TMEM79: variants seen among roughly 807,000 people sequenced by gnomAD.
TMEM79 encodes mattrin.
A neutral mutation model predicts 31.2 loss-of-function variants in TMEM79; 30 were observed. The observed-to-expected ratio is 0.96, with a 90% CI of 0.72 to 1.30. TMEM79 has a LOEUF of 1.30. TMEM79 is among the 50% of genes most tolerant of loss of function. The pLI is 0.00. For synonymous variants in TMEM79, 213 were observed against 229.5 expected (o/e 0.93, Z 0.65); for missense variants, 509 against 528.2 (o/e 0.96, Z 0.36).
At chr1:156,287,280 G>T (rs1572608417) in intron 3 of TMEM79, among the ~76,000 whole-genome samples, 1 of 152,272 alleles carries the variant, frequency 6.6e-6, no homozygotes, top group South Asian at 2.1e-4. Flanking sequence ...GCCGGGTGTG[G>T]TGGTGGGCAT....
At chr1:156,289,529 G>A (rs529154292) in intron 3 of TMEM79, among the ~76,000 whole-genome samples, 1 of 152,134 alleles carries the variant, frequency 6.6e-6, no homozygotes, top group South Asian at 2.1e-4. Flanking sequence ...GGAGAATGGC[G>A]TGAACCTGGG....
At chr1:156,284,314 G>C (rs1663083829), upstream of TMEM79, 1 of 152,326 alleles carries the variant, frequency 6.6e-6, no homozygotes, top group Admixed American at 6.5e-5. Flanking sequence ...GGGAGACAGA[G>C]AGAAATACTT....
rs1424757713 is a variant in TMEM79, at chr1:156,285,740, C to T, written c.514C>T (p.Arg172Cys). ...GGTCACCCACCCCGACCCCACTGAG[C>T]GCAAGTGGGCTGAGGCAGTGGTGAG... is the stretch of plus-strand genomic sequence containing the variant. ...PRVTHPDPTE[R>C]KWAEAVVRPP... The change falls in exon 2 of 4, where the codon CGC becomes TGC. Residue 172 changes from arginine (R) to cysteine (C), a missense_variant. Physicochemically the swap from Arg to Cys is radical, Grantham distance 180. Transcript: ENST00000405535. 8.7e-6 allele frequency: 14 copies of T among 1,612,988 alleles called. No individual in the cohort carries two copies. The highest frequency in any genetic ancestry group is 3.3e-5 in the Admixed American group (2 of 59,988).
intron 3 of TMEM79, chr1:156,290,038 T>C (rs1663272014): frequency 6.6e-6 from 1 of 152,212 alleles, no homozygotes; most frequent in African/African-American, 2.4e-5. Context: ...ACCCTTGGAA[T>C]CTTAGTTTCT....
intron 2 of TMEM79, 50 bp from the exon 3 acceptor site, chr1:156,286,210 G>A (rs769768162): frequency 4.4e-6 from 7 of 1,579,216 alleles, no homozygotes; most frequent in Admixed American, 1.7e-5. Context: ...TGCCTCTTGT[G>A]CCCTTCCCCT....
intron 3 of TMEM79, among the ~76,000 whole-genome samples, chr1:156,287,213 G>A (rs571888555): frequency 3.9e-5 from 6 of 152,170 alleles, no homozygotes; most frequent in Non-Finnish European, 5.9e-5. Context: ...TCAGGAGCTC[G>A]AGACCAGCTT....
At chr1:156,290,824 G>C (rs576648579) in intron 3 of TMEM79, 22 of 128,472 alleles carry the variant, frequency 1.7e-4, no homozygotes, top group African/African-American at 6.4e-4. Flanking sequence ...GAGAGACTCT[G>C]TCTCAAAAAT....
At position 156,285,850 on chromosome 1, in the gene TMEM79, C is replaced by A; in HGVS notation, c.624C>A (p.Leu208=). The change falls in exon 2 of 4, where the codon CTC becomes CTA. Residue 208 remains leucine, a synonymous_variant. Coordinates refer to ENST00000405535, the MANE Select transcript of TMEM79 (RefSeq NM_032323.3). ...LRAVASVGAA[L]ILFPCLLYGA... ...CTGTGGCCTCCGTGGGAGCCGCACT[C>A]ATTCTCTTCCCTTGCCTACTATACG... The A allele has an allele frequency of 6.2e-7, 1 of 1,613,718 alleles. No individual in the cohort carries two copies. Among genetic ancestry groups the A allele is most frequent in the Non-Finnish European group, 8.5e-7 (1 of 1,180,024 alleles).
chr1:156,285,313 T>A lies in TMEM79; in HGVS notation c.87T>A (p.Asn29Lys), dbSNP rs761313616. 17 of 1,575,360 alleles carry A rather than the reference T, an allele frequency of 1.1e-5. No individual in the cohort carries two copies. Among genetic ancestry groups the A allele is most frequent in the Non-Finnish European group, 1.3e-5 (15 of 1,163,630 alleles). ...EKSSPQALVP[N>K]GRQPEGEGGA... ...GCTCACCCCAGGCCTTGGTTCCCAA[T>A]GGCCGGCAGCCAGAAGGGGAAGGTG... is the stretch of plus-strand genomic sequence containing the variant. Residue 29 changes from asparagine to lysine, a missense_variant, in exon 2 of 4, where the codon AAT becomes AAA. Asn to Lys is a moderately conservative substitution (Grantham distance 94). Transcript: ENST00000405535.
At chr1:156,285,122 C>T (rs1572606393) in intron 1 of TMEM79, 62 bp from the exon 2 acceptor site, 1 of 1,420,018 alleles carries the variant, frequency 7.0e-7, no homozygotes, top group Non-Finnish European at 9.4e-7. Context: ...TGAGTTCTGT[C>T]AACCTGTCCT....
At position 156,291,669 on chromosome 1, in the gene TMEM79, AGGCCT is replaced by A. The variant is rs1281044366; in HGVS notation, c.*74_*78del. On this transcript the variant is annotated 3_prime_UTR_variant, in exon 4 of 4. Transcript: ENST00000405535. ...TGACACATCTTTGAACCTTGTGGCC[AGGCCT>A]GGACTTCGCCCCCAGGCCTAGGACC... 5.4e-6 allele frequency: 8 copies of A among 1,478,578 alleles called. No individual in the cohort carries two copies. In the East Asian group the frequency reaches 1.8e-4, roughly 34 times the overall value. 91.6% of individuals were successfully genotyped at this position (1,478,578 alleles called of 1,614,324 possible). A position where few individuals can be genotyped will look rare whatever the true frequency, so the allele number is the denominator to read the frequency against.
intron 3 of TMEM79, chr1:156,290,317 CCTTCTTT>C (rs1363341494): frequency 6.5e-6 from 1 of 152,898 alleles, no homozygotes; most frequent in Non-Finnish European, 1.5e-5. Flanking sequence ...TCTTCTTCTT[CCTTCTTT>C]CTTCTTTTCT....
rs554707296 is a variant in TMEM79 at position 156,285,688 on chromosome 1, C to T, written c.462C>T (p.Gly154=). The change falls in exon 2 of 4, where the codon GGC becomes GGT. Residue 154 remains glycine (G), a synonymous_variant. Coordinates refer to ENST00000405535, the MANE Select transcript of TMEM79 (RefSeq NM_032323.3). ...TCGTGCGCTGTGAGGCAGGCGAGGG[C>T]GAGTGCCGAACCTTCATGCCCCCCC... is the stretch of plus-strand genomic sequence containing the variant. ...DLIVRCEAGE[G]ECRTFMPPRV... is the part of the protein sequence containing the mutation. 121 of 1,613,568 alleles carry T rather than the reference C, an allele frequency of 7.5e-5. No individual in the cohort carries two copies. Among genetic ancestry groups the T allele is most frequent in the Middle Eastern group, 1.6e-4 (1 of 6,062 alleles).
chr1:156,286,492 T>G lies in TMEM79; in HGVS notation c.971+19T>G. ...TCTCCCGGTAAGTTGGGGCAGAGGG[T>G]GGGGCATGGGAGAGGGGATGGTGCT... On this transcript the variant is annotated intron_variant, in intron 3 of 3. Transcript: ENST00000405535. The G allele has an allele frequency of 6.2e-7, 1 of 1,612,016 alleles. No individual in the cohort carries two copies. Among genetic ancestry groups the G allele is most frequent in the South Asian group, 1.1e-5 (1 of 91,032 alleles).
chr1:156,285,551 A>C lies in TMEM79; in HGVS notation c.325A>C (p.Lys109Gln), dbSNP rs557435761. Residue 109 changes from lysine to glutamine, a missense_variant, in exon 2 of 4, where the codon AAG becomes CAG. Coordinates refer to ENST00000405535, the MANE Select transcript of TMEM79 (RefSeq NM_032323.3). Reference sequence around the variant, plus strand: ...GCCCCCTGAGTCAGAACCACTTACCAAGCTAGAGGAGCTGCCCGAAGACGA... The same window carrying C: ...GCCCCCTGAGTCAGAACCACTTACCCAGCTAGAGGAGCTGCCCGAAGACGA... The part of the protein sequence containing the change: ...PEPPESEPLT[K>Q]LEELPEDDAN... 4 of 1,614,194 alleles carry C rather than the reference A, an allele frequency of 2.5e-6. No individual in the cohort carries two copies. Among genetic ancestry groups the C allele is most frequent in the East Asian group, 4.5e-5 (2 of 44,882 alleles).
Position 156,285,183 on chromosome 1 carries a change from G to A in TMEM79, c.-43-1G>A. On this transcript the variant is annotated splice_acceptor_variant, in intron 1 of 3. Coordinates refer to ENST00000405535, the MANE Select transcript of TMEM79 (RefSeq NM_032323.3). LOFTEE classifies it low-confidence loss of function (5UTR_SPLICE). ...ACAGAGCTTTCCTCTGTTCCCTGCA[G>A]GATGACATGACCTTGTGGTAGATCC... 1 of 1,513,090 alleles carries A rather than the reference G, an allele frequency of 6.6e-7. No individual in the cohort carries two copies. Among genetic ancestry groups the A allele is most frequent in the South Asian group, 1.4e-5 (1 of 73,830 alleles). 93.7% of individuals were successfully genotyped at this position (1,513,090 alleles called of 1,614,324 possible).
upstream of TMEM79, among the ~76,000 whole-genome samples, chr1:156,283,627 T>C (rs1242321834): frequency 2.6e-5 from 4 of 152,138 alleles, no homozygotes; most frequent in African/African-American, 9.7e-5. Context: ...GCAAGGGTGG[T>C]TTGTTTTGTT....
At chr1:156,286,580 GGCCCAAATGTGT>G in intron 3 of TMEM79, 107 bp downstream of exon 3, 1 of 1,133,106 alleles carries the variant, frequency 8.8e-7, no homozygotes, top group Non-Finnish European at 1.3e-6. Context: ...ATTCTACACT[GGCCCAAATGTGT>G]GCCCTGGGGA....
rs1040394061 is a variant in TMEM79, at chr1:156,285,343, C to T, written c.117C>T (p.Ala39=). ...NGRQPEGEGG[A]ESPGAESLRV... is the part of the protein sequence containing the mutation. ...GGCAGCCAGAAGGGGAAGGTGGGGCCGAATCCCCGGGAGCTGAGTCCCTCA... is the reference window on the plus strand; with the variant it reads ...GGCAGCCAGAAGGGGAAGGTGGGGCTGAATCCCCGGGAGCTGAGTCCCTCA... The change falls in exon 2 of 4, where the codon GCC becomes GCT. Residue 39 remains alanine, a synonymous_variant. Coordinates refer to ENST00000405535, the MANE Select transcript of TMEM79 (RefSeq NM_032323.3). 1.7e-5 allele frequency: 27 copies of T among 1,571,478 alleles called. No individual in the cohort carries two copies. The highest frequency in any genetic ancestry group is 2.4e-5 in the South Asian group (2 of 83,260).
Sources: gnomAD v4.1 joint callset for allele counts (sites outside exome capture counted in the v4.1 genomes callset) on GRCh38, gnomAD v4.1.1 for gene constraint, MANE v1.5 for transcripts, NCBI Gene and HGNC (gene_info 2026-07-23, HGNC 2026-07-21) for gene names.